ARL5C: variants seen among roughly 807,000 people sequenced by gnomAD.
ARL5C encodes ARF like GTPase 5C.
Under a neutral mutation model 20.8 loss-of-function variants are expected in ARL5C, and 21 were observed. That is an observed-to-expected ratio of 1.01 (90% CI 0.72 to 1.46). The LOEUF is 1.46. Ranked by LOEUF, ARL5C falls within the 40% of genes most tolerant of loss-of-function variation. The probability of loss-of-function intolerance (pLI) is 0.00; values close to 1 mark genes in which losing one functional copy is unlikely to be tolerated. For missense variants in ARL5C, 199 were observed against 225.1 expected, an observed-to-expected ratio of 0.88 and a Z score of 0.74; for synonymous variants, 71 against 81.6, an observed-to-expected ratio of 0.87 and a Z score of 0.70.
intron 5 of ARL5C, 84 bp from the exon 6 acceptor site, chr17:39,157,026 C>A: frequency 1.4e-6 from 2 of 1,478,556 alleles, no homozygotes; most frequent in South Asian, 2.5e-5. Context: ...CCAGATCGGA[C>A]TGGGTGCAGG....
intron 2 of ARL5C, 76 bp downstream of exon 2, chr17:39,165,003 C>T (rs2045455494): frequency 2.7e-6 from 4 of 1,461,696 alleles, no homozygotes; most frequent in Admixed American, 2.0e-5. Context: ...GGGAAGAGCT[C>T]CAGTGATTGG....
rs1190582732 is a variant in ARL5C at position 39,162,787 on chromosome 17, G to A, written c.179C>T (p.Thr60Ile). The A allele has an allele frequency of 6.4e-7, 1 of 1,551,510 alleles. No homozygotes were observed. Among genetic ancestry groups the A allele is most frequent in the South Asian group, 1.2e-5 (1 of 84,040 alleles). ...CACTATGTCCCACATGAAGAAGTGG[G>A]TCTTCGGCAGAATGATCTCCTCCAC... ...SNVEEIILPK[T>I]HFFMWDIVRP... Residue 60 changes from threonine to isoleucine, a missense_variant, in exon 3 of 6, where the codon ACC (threonine) becomes ATC (isoleucine). By Grantham distance (89) the Thr-to-Ile change is moderately conservative. Coordinates refer to ENST00000269586, the MANE Select transcript of ARL5C (RefSeq NM_001143968.1).
At chr17:39,162,570 G>A (rs1267249275) in intron 3 of ARL5C, 141 bp downstream of exon 3, 31 of 1,085,284 alleles carry the variant, frequency 2.9e-5, no homozygotes, top group Non-Finnish European at 8.9e-6. Flanking sequence ...CAAAGTGCTG[G>A]GATTACAGGT....
At chr17:39,165,627 T>TC (rs2045459163) in intron 1 of ARL5C, 88 bp downstream of exon 1, 5 of 1,506,148 alleles carry the variant, frequency 3.3e-6, no homozygotes, top group African/African-American at 1.4e-5. Context: ...GAGCCCGAGG[T>TC]CCCCCCGTGC....
chr17:39,157,687 G>A (rs547534865), intron 5 of ARL5C, among the ~76,000 whole-genome samples: 25 of 152,214 alleles, frequency 1.6e-4, no homozygotes, highest in African/African-American at 6.0e-4. Context: ...CTACTTGGGA[G>A]GCTGAGGCAG....
chr17:39,165,592 G>A (rs2045458912), intron 1 of ARL5C, 123 bp downstream of exon 1: 3 of 1,262,730 alleles, frequency 2.4e-6, no homozygotes, highest in Non-Finnish European at 3.3e-6. Flanking sequence ...CGGGGCAGTC[G>A]AGGAGCGCCC....
At chr17:39,161,994 T>C (rs893712473) in intron 3 of ARL5C, among the ~76,000 whole-genome samples, 19 of 152,314 alleles carry the variant, frequency 1.2e-4, no homozygotes, top group African/African-American at 4.3e-4. Flanking sequence ...AGTGAGGCTA[T>C]GTATCTTGCT....
rs932402117 is a variant in ARL5C, at chr17:39,162,597, G to A, written c.255+114C>T. On this transcript the variant is annotated intron_variant, in intron 3 of 5. Transcript: ENST00000269586. ...ATTACAGGTGTGAGCCACAGGAACC[G>A]ACCATTATAATCTCTATTTCACAAG... The A allele has an allele frequency of 6.9e-6, 9 of 1,308,340 alleles. No individual in the cohort carries two copies. In the Admixed American group the frequency reaches 7.2e-5, roughly 10 times the overall value. The allele number at this position is 1,308,340 out of a possible 1,614,324, so 81.0% of individuals were successfully genotyped here.
At chr17:39,156,754 G>C (rs1401341163), downstream of ARL5C, 1 of 1,002,278 alleles carries the variant, frequency 1.0e-6, no homozygotes, top group Non-Finnish European at 1.5e-6. Flanking sequence ...CGGGTTGGGA[G>C]AATGGTGTCA....
intron 3 of ARL5C, among the ~76,000 whole-genome samples, chr17:39,161,743 A>C (rs867305017): frequency 2.6e-5 from 4 of 152,048 alleles, no homozygotes; most frequent in African/African-American, 9.7e-5. Context: ...CAAACTCCTG[A>C]TCTCAGGTCA....
rs1216014223 is a variant in ARL5C at position 39,165,158 on chromosome 17, G to T, written c.47-19C>A. On this transcript the variant is annotated intron_variant, in intron 1 of 5. Transcript: ENST00000269586. ...GTGTGCTCTGGAAGCGTCGGAGGAA[G>T]GGCAGCGTCAGGGCCAAACCCGAAG... 1 of 1,550,928 alleles carries T rather than the reference G, an allele frequency of 6.4e-7. No homozygotes were observed. Among genetic ancestry groups the T allele is most frequent in the African/African-American group, 1.4e-5 (1 of 72,978 alleles).
At chr17:39,160,376 T>A in intron 5 of ARL5C, 1 of 528,660 alleles carries the variant, frequency 1.9e-6, no homozygotes, top group South Asian at 2.6e-5. Context: ...GAGTGCTACC[T>A]CTTTCTCCAC....
intron 1 of ARL5C, 176 bp downstream of exon 1, chr17:39,165,539 G>A: frequency 2.7e-6 from 2 of 734,340 alleles, no homozygotes; most frequent in Admixed American, 2.9e-5. Context: ...CCGAAGCGCC[G>A]GGACCCAAGA....
intron 2 of ARL5C, 80 bp downstream of exon 2, chr17:39,164,999 A>G (rs1435703002): frequency 7.0e-7 from 1 of 1,428,338 alleles, no homozygotes; most frequent in African/African-American, 1.4e-5. Flanking sequence ...CCCAGGGAAG[A>G]GCTCCAGTGA....
At chr17:39,156,783 G>C, downstream of ARL5C, 1 of 1,270,806 alleles carries the variant, frequency 7.9e-7, no homozygotes, top group Non-Finnish European at 1.1e-6. Flanking sequence ...GTCCATAGCA[G>C]CCACTGCTCC....
chr17:39,157,959 G>A (rs2045413890), intron 5 of ARL5C, among the ~76,000 whole-genome samples: 1 of 150,862 alleles, frequency 6.6e-6, no homozygotes, highest in African/African-American at 2.4e-5. Flanking sequence ...TTAACCGGGC[G>A]TGGTGGCTCA....
At chr17:39,156,834 T>C, downstream of ARL5C, 2 of 1,540,088 alleles carry the variant, frequency 1.3e-6, no homozygotes, top group Non-Finnish European at 1.8e-6. Context: ...GCCACTTGAT[T>C]TTCCACCCAT....
chr17:39,160,793 C>A (rs905338926), intron 4 of ARL5C, 51 bp from the exon 5 acceptor site: 1 of 1,539,198 alleles, frequency 6.5e-7, no homozygotes, highest in East Asian at 2.4e-5. Context: ...CCCAGCCTTC[C>A]TTCCTACTGC....
rs1473824502 is a variant in ARL5C, at chr17:39,166,045, T to C, written c.-285A>G. The C allele has an allele frequency of 4.3e-6, 2 of 459,938 alleles. No homozygotes were observed. Among genetic ancestry groups the C allele is most frequent in the Non-Finnish European group, 7.9e-6 (2 of 251,702 alleles). The allele number at this position is 459,938 out of a possible 1,614,324, so 28.5% of individuals were successfully genotyped here. ...GCCCTCCCCCTCGCCCTGCGAAAAC[T>C]CCTGAGTTCTCCGGGTGGACTGCTC... On this transcript the variant is annotated 5_prime_UTR_variant, in exon 1 of 6. Coordinates refer to ENST00000269586, the MANE Select transcript of ARL5C (RefSeq NM_001143968.1).
Sources: gnomAD v4.1 joint callset for allele counts (sites outside exome capture counted in the v4.1 genomes callset) on GRCh38, gnomAD v4.1.1 for gene constraint, MANE v1.5 for transcripts, NCBI Gene and HGNC (gene_info 2026-07-23, HGNC 2026-07-21) for gene names.